Variants in CDKAL1 observed in about 807,000 individuals in gnomAD.
CDKAL1 encodes the protein CDKAL1 threonylcarbamoyladenosine tRNA methylthiotransferase.
CDKAL1 carries 32 observed loss-of-function variants against 68.2 expected under a neutral mutation model. That is an observed-to-expected ratio of 0.47 (90% confidence interval 0.35 to 0.63). CDKAL1 has a LOEUF of 0.63. Ranked by LOEUF, CDKAL1 falls within the 30% of genes least tolerant of loss-of-function variation. The pLI is 0.00. For missense variants in CDKAL1, 606 were observed against 696.7 expected (o/e 0.87, Z 1.47); for synonymous variants, 234 against 244.3 (o/e 0.96, Z 0.39).
intron 15 of CDKAL1, among the ~76,000 whole-genome samples, chr6:21,223,961 G>A (rs1283810122): frequency 6.6e-6 from 1 of 152,184 alleles, no homozygotes; most frequent in African/African-American, 2.4e-5. Context: ...CAGTCTCCTA[G>A]AGGCGCCCTA....
intron 15 of CDKAL1, among the ~76,000 whole-genome samples, chr6:21,209,196 T>C (rs1467878558): frequency 6.6e-6 from 1 of 152,156 alleles, no homozygotes; most frequent in African/African-American, 2.4e-5. Context: ...ATGAAGTTCT[T>C]TATACAGCTG....
At chr6:20,589,457 G>A (rs1445542297) in intron 4 of CDKAL1, among the ~76,000 whole-genome samples, 3 of 152,154 alleles carry the variant, frequency 2.0e-5, no homozygotes, top group African/African-American at 7.2e-5. Context: ...AAATTGAAAG[G>A]CTTAGCTTTG....
chr6:20,828,004 A>C (rs1245994139), intron 8 of CDKAL1, among the ~76,000 whole-genome samples: 2 of 152,180 alleles, frequency 1.3e-5, no homozygotes, highest in Non-Finnish European at 2.9e-5. Context: ...GTGTGTAGGC[A>C]GCAGATCTCT....
chr6:20,944,123 T>C (rs1298364343), intron 9 of CDKAL1, among the ~76,000 whole-genome samples: 1 of 152,238 alleles, frequency 6.6e-6, no homozygotes, highest in African/African-American at 2.4e-5. Context: ...GGGCTCTGTT[T>C]GTTTTCCTAC....
chr6:21,127,546 T>G (rs949807149), intron 13 of CDKAL1, among the ~76,000 whole-genome samples: 1 of 152,096 alleles, frequency 6.6e-6, no homozygotes, highest in Non-Finnish European at 1.5e-5. Flanking sequence ...GGTCAAGAGT[T>G]CAAGACCAGC....
At chr6:20,986,438 T>C in intron 10 of CDKAL1, among the ~76,000 whole-genome samples, 1 of 152,176 alleles carries the variant, frequency 6.6e-6, no homozygotes, top group Non-Finnish European at 1.5e-5. Context: ...TAAAGAAACA[T>C]GCATTGCTTT....
intron 9 of CDKAL1, among the ~76,000 whole-genome samples, chr6:20,903,862 C>A (rs1762115355): frequency 6.6e-6 from 1 of 152,236 alleles, no homozygotes; most frequent in South Asian, 2.1e-4. Context: ...GTCTCCCCAA[C>A]TAGACAACAA....
intron 11 of CDKAL1, among the ~76,000 whole-genome samples, chr6:21,044,275 C>G (rs1008543067): frequency 6.6e-6 from 1 of 152,194 alleles, no homozygotes; most frequent in Non-Finnish European, 1.5e-5. Context: ...TTTACCTCCA[C>G]TGGTGGCTAG....
intron 13 of CDKAL1, among the ~76,000 whole-genome samples, chr6:21,172,141 A>G (rs895448314): frequency 2.0e-5 from 3 of 152,108 alleles, no homozygotes; most frequent in East Asian, 3.9e-4. Flanking sequence ...ACCTGATACT[A>G]AGTGCTTTAT....
chr6:20,926,688 A>G (rs1369620287), intron 9 of CDKAL1, among the ~76,000 whole-genome samples: 1 of 152,044 alleles, frequency 6.6e-6, no homozygotes, highest in Non-Finnish European at 1.5e-5. Flanking sequence ...TATGCATTGA[A>G]TGTCTTCCAT....
intron 12 of CDKAL1, among the ~76,000 whole-genome samples, chr6:21,102,476 A>G (rs1562032652): frequency 1.3e-5 from 2 of 152,148 alleles, no homozygotes; most frequent in South Asian, 2.1e-4. Flanking sequence ...CCCTGACTTC[A>G]GTGTCCCTTA....
chr6:20,788,507 C>A (rs1775767095), intron 8 of CDKAL1, among the ~76,000 whole-genome samples: 1 of 152,140 alleles, frequency 6.6e-6, no homozygotes, highest in African/African-American at 2.4e-5. Context: ...GTAGTAGAAT[C>A]TATAATACAT....
intron 8 of CDKAL1, among the ~76,000 whole-genome samples, chr6:20,805,677 A>C (rs959794744): frequency 5.3e-5 from 8 of 152,248 alleles, no homozygotes; most frequent in Admixed American, 1.3e-4. Flanking sequence ...AGAAAAATTA[A>C]GACAACTTAA....
chr6:20,907,975 T>TC (rs750225619), intron 9 of CDKAL1, among the ~76,000 whole-genome samples: 2 of 152,136 alleles, frequency 1.3e-5, no homozygotes, highest in South Asian at 2.1e-4. Flanking sequence ...CACGGCTCTG[T>TC]CACCACTTCT....
At chr6:20,672,262 CTTTTTCTT>C (rs1322777850) in intron 5 of CDKAL1, among the ~76,000 whole-genome samples, 3 of 82,954 alleles carry the variant, frequency 3.6e-5, no homozygotes, top group Admixed American at 1.3e-4. Context: ...TTCTTTCTTT[CTTTTTCTT>C]TTTCTTTCTT....
intron 4 of CDKAL1, among the ~76,000 whole-genome samples, chr6:20,631,047 G>T (rs1041201376): frequency 6.6e-6 from 1 of 152,204 alleles, no homozygotes; most frequent in African/African-American, 2.4e-5. Flanking sequence ...AATTCCCTCT[G>T]AGTCATAAGG....
chr6:20,773,527 A>T lies in CDKAL1; in HGVS notation c.518-7618A>T, dbSNP rs555726812. On this transcript the variant is annotated intron_variant, in intron 7 of 15. Coordinates refer to ENST00000274695, the MANE Select transcript of CDKAL1 (RefSeq NM_017774.3). ...AAGTGAGAATTGATATGTACGGTAC[A>T]TTTATTTACTTATTTATTTTTTATT... 2.6e-4 allele frequency among the ~76,000 whole-genome samples: 39 copies of T among 152,188 alleles called. 1 individual carries two copies. In the South Asian group the frequency reaches 7.7e-3, roughly 30 times the overall value.
At chr6:20,564,317 T>C (rs563460309) in intron 4 of CDKAL1, among the ~76,000 whole-genome samples, 1 of 152,330 alleles carries the variant, frequency 6.6e-6, no homozygotes, top group South Asian at 2.1e-4. Flanking sequence ...TTTGCTCTAC[T>C]CACCTTTCAT....
chr6:20,881,698 G>A (rs1325233835), intron 9 of CDKAL1, among the ~76,000 whole-genome samples: 1 of 151,968 alleles, frequency 6.6e-6, no homozygotes, highest in Non-Finnish European at 1.5e-5. Context: ...TTTCATATTT[G>A]TTAACATGTT....
Sources: gnomAD v4.1 joint callset for allele counts (sites outside exome capture counted in the v4.1 genomes callset) on GRCh38, gnomAD v4.1.1 for gene constraint, MANE v1.5 for transcripts, NCBI Gene and HGNC (gene_info 2026-07-23, HGNC 2026-07-21) for gene names.